The following CFL2 variants were observed in gnomAD, a reference collection of about 807,000 sequenced individuals.
CFL2 encodes cofilin-2.
A neutral mutation model predicts 19.6 loss-of-function variants in CFL2; 10 were observed. That is an observed-to-expected ratio of 0.51 (90% CI 0.31 to 0.86). CFL2 has a LOEUF of 0.86. CFL2 is among the 40% of genes least tolerant of loss of function. CFL2 has a pLI of 0.04. For synonymous variants in CFL2, 63 were observed against 66.7 expected, an observed-to-expected ratio of 0.95 and a Z score of 0.27; for missense variants, 125 against 192.1, an observed-to-expected ratio of 0.65 and a Z score of 2.06.
At position 34,711,007 on chromosome 14, in the gene CFL2, A is replaced by C. The variant is rs1246770265; in HGVS notation, c.*1858T>G. On this transcript the variant is annotated 3_prime_UTR_variant, in exon 4 of 4. Coordinates refer to ENST00000298159, the MANE Select transcript of CFL2 (RefSeq NM_138638.5). The stretch of plus-strand genomic sequence containing the variant: ...AATGTCCAGGATAACTCACAGGGAC[A>C]GCTGGAAGCCTGAAATAAAATTGCT... 1 of 454,046 alleles carries C rather than the reference A, an allele frequency of 2.2e-6. No individual in the cohort carries two copies. Among genetic ancestry groups the C allele is most frequent in the African/African-American group, 2.0e-5 (1 of 50,024 alleles). 28.1% of individuals were successfully genotyped at this position (454,046 alleles called of 1,614,324 possible).
Position 34,714,547 on chromosome 14 carries a change from C to G in CFL2, c.-7G>C. 6.3e-7 allele frequency: 1 copy of G among 1,589,106 alleles called. No individual in the cohort carries two copies. Among genetic ancestry groups the G allele is most frequent in the Non-Finnish European group, 8.5e-7 (1 of 1,171,144 alleles). On this transcript the variant is annotated 5_prime_UTR_variant, in exon 1 of 4. Coordinates refer to ENST00000298159, the MANE Select transcript of CFL2 (RefSeq NM_138638.5). ...AGCGCGCTCGTCTTACCATAGTGCC[C>G]TCGGCTGTGGCTGCGGCGGCAGCTC...
rs71453649 is a variant in CFL2 at position 34,709,787 on chromosome 14, C to CAAAAAAAAAAAAAAAAAA, written c.*3060_*3077dup. 2.9e-5 allele frequency: 2 copies of CAAAAAAAAAAAAAAAAAA among 69,506 alleles called. 1 individual carries two copies. The highest frequency in any genetic ancestry group is 5.1e-5 in the Non-Finnish European group (2 of 39,362). 4.3% of individuals were successfully genotyped at this position (69,506 alleles called of 1,614,324 possible). ...TGGGCAACAGAGTGAGACCCTGTCTCAAAAAAAAAAAAAAAAAAAGGCAAC... is the reference window on the plus strand; with the variant it reads ...TGGGCAACAGAGTGAGACCCTGTCTCAAAAAAAAAAAAAAAAAAAAAAAAAAAAAAAAAAAAAGGCAAC... On this transcript the variant is annotated 3_prime_UTR_variant, in exon 4 of 4. Coordinates refer to ENST00000298159, the MANE Select transcript of CFL2 (RefSeq NM_138638.5).
chr14:34,712,761 G>T lies in CFL2; in HGVS notation c.*104C>A. Reference sequence around the variant, plus strand: ...TTCATTGTGTTGGAAGGGCCCAGTGGAAAGGGGGAAATACAACAAAAAACC... The same window carrying T: ...TTCATTGTGTTGGAAGGGCCCAGTGTAAAGGGGGAAATACAACAAAAAACC... On this transcript the variant is annotated 3_prime_UTR_variant, in exon 4 of 4. Transcript: ENST00000298159. 1.3e-6 allele frequency: 1 copy of T among 756,846 alleles called. No homozygotes were observed. The highest frequency in any genetic ancestry group is 2.4e-6 in the Non-Finnish European group (1 of 408,596). The allele number at this position is 756,846 out of a possible 1,614,324, so 46.9% of individuals were successfully genotyped here. A position where few individuals can be genotyped will look rare whatever the true frequency, so the allele number is the denominator to read the frequency against.
chr14:34,714,067 G>C, intron 1 of CFL2: 3 of 400,184 alleles, frequency 7.5e-6, no homozygotes, highest in Non-Finnish European at 9.1e-6. Context: ...AAAACTAACT[G>C]ATCGAGTGTA....
intron 1 of CFL2, 163 bp downstream of exon 1, chr14:34,714,375 C>A (rs997172370): frequency 8.3e-7 from 1 of 1,210,538 alleles, no homozygotes; most frequent in Non-Finnish European, 1.1e-6. Context: ...CAGGGCCTGA[C>A]GGCCGGAGGG....
Position 34,710,731 on chromosome 14 carries a change from A to G in CFL2, c.*2134T>C, listed in dbSNP as rs928944493. The G allele has an allele frequency of 1.1e-5, 5 of 451,866 alleles. No individual in the cohort carries two copies. Among genetic ancestry groups the G allele is most frequent in the Admixed American group, 7.1e-5 (3 of 42,264 alleles). 28.0% of individuals were successfully genotyped at this position (451,866 alleles called of 1,614,324 possible). On this transcript the variant is annotated 3_prime_UTR_variant, in exon 4 of 4. Transcript: ENST00000298159. ...AGTATCAGTTTTGTCAATCTAGCAAATCAAAGTATCACAGTTTAAAGCAAT... is the reference window on the plus strand; with the variant it reads ...AGTATCAGTTTTGTCAATCTAGCAAGTCAAAGTATCACAGTTTAAAGCAAT...
At position 34,710,659 on chromosome 14, in the gene CFL2, T is replaced by G; in HGVS notation, c.*2206A>C. On this transcript the variant is annotated 3_prime_UTR_variant, in exon 4 of 4. Transcript: ENST00000298159. Reference sequence around the variant, plus strand: ...CTATTATTAATTTTATCTCTTTTTTTGGCTCTACGCACAAAGATGTATTTC... The same window carrying G: ...CTATTATTAATTTTATCTCTTTTTTGGGCTCTACGCACAAAGATGTATTTC... The G allele has an allele frequency of 4.5e-6, 2 of 442,718 alleles. No homozygotes were observed. Among genetic ancestry groups the G allele is most frequent in the Non-Finnish European group, 9.0e-6 (2 of 223,436 alleles). The allele number at this position is 442,718 out of a possible 1,614,324, so 27.4% of individuals were successfully genotyped here.
chr14:34,711,487 C>T lies in CFL2; in HGVS notation c.*1378G>A, dbSNP rs1489393453. 2 of 454,526 alleles carry T rather than the reference C, an allele frequency of 4.4e-6. No homozygotes were observed. Among genetic ancestry groups the T allele is most frequent in the South Asian group, 3.1e-5 (2 of 64,470 alleles). The allele number at this position is 454,526 out of a possible 1,614,324, so 28.2% of individuals were successfully genotyped here. ...AAGACTGCTATTATCAATTCCTATT[C>T]CAATTCAATTTGCAAAATATATTCA... is the stretch of plus-strand genomic sequence containing the variant. On this transcript the variant is annotated 3_prime_UTR_variant, in exon 4 of 4. Transcript: ENST00000298159.
intron 1 of CFL2, 107 bp downstream of exon 1, chr14:34,714,431 C>T: frequency 6.9e-7 from 1 of 1,453,980 alleles, no homozygotes; most frequent in South Asian, 1.4e-5. Context: ...GCAGAAGCGC[C>T]CACCTTGGAG....
In CFL2 at chr14:34,710,916, T is replaced by C. The variant is rs1245602249; in HGVS notation, c.*1949A>G. 2 of 453,986 alleles carry C rather than the reference T, an allele frequency of 4.4e-6. No individual in the cohort carries two copies. Among genetic ancestry groups the C allele is most frequent in the East Asian group, 1.4e-4 (2 of 14,408 alleles). The allele number at this position is 453,986 out of a possible 1,614,324, so 28.1% of individuals were successfully genotyped here. On this transcript the variant is annotated 3_prime_UTR_variant, in exon 4 of 4. Transcript: ENST00000298159. ...TGGTGCCAAGTATCAGTTACACATA[T>C]GGTTAAGTATACGTCAGTATTCTCT...
Position 34,713,466 on chromosome 14 carries a change from C to T in CFL2, c.99G>A (p.Lys33=), listed in dbSNP as rs1885387710. The change falls in exon 2 of 4, where the codon AAG becomes AAA. Residue 33 remains lysine, a synonymous_variant. Transcript: ENST00000298159. ...SSTQEEIKKR[K]KAVLFCLSDD... is the part of the protein sequence containing the mutation. Reference sequence around the variant, plus strand: ...CGCTTAAACAGAAGAGAACTGCTTTCTTTCTCTTTTTGATCTCCTCTTGTG... The same window carrying T: ...CGCTTAAACAGAAGAGAACTGCTTTTTTTCTCTTTTTGATCTCCTCTTGTG... 1.9e-6 allele frequency: 3 copies of T among 1,613,690 alleles called. No homozygotes were observed. The highest frequency in any genetic ancestry group is 2.5e-6 in the Non-Finnish European group (3 of 1,179,628).
chr14:34,712,719 A>G lies in CFL2; in HGVS notation c.*146T>C, dbSNP rs1437418182. On this transcript the variant is annotated 3_prime_UTR_variant, in exon 4 of 4. Transcript: ENST00000298159. ...GCAATCACTGATAGGCTGCTTAAAT[A>G]AATGATATTTCCTTCATTCATTGTG... 3 of 710,152 alleles carry G rather than the reference A, an allele frequency of 4.2e-6. No homozygotes were observed. Among genetic ancestry groups the G allele is most frequent in the South Asian group, 1.5e-5 (1 of 67,400 alleles). The allele number at this position is 710,152 out of a possible 1,614,324, so 44.0% of individuals were successfully genotyped here.
In CFL2 at chr14:34,713,091, G is replaced by A. The variant is rs1250346386; in HGVS notation, c.357C>T (p.Ser119=). ...APLKSKMIYA[S]SKDAIKKKFT... is the part of the protein sequence containing the mutation. ...ATTTCTTTTTAATGGCATCTTTAGA[G>A]CTAGCATAAATCATCTTGCTTTTTA... Residue 119 remains serine, a synonymous_variant, in exon 3 of 4, where the codon AGC becomes AGT. Coordinates refer to ENST00000298159, the MANE Select transcript of CFL2 (RefSeq NM_138638.5). 6.3e-7 allele frequency: 1 copy of A among 1,585,482 alleles called. No individual in the cohort carries two copies. Among genetic ancestry groups the A allele is most frequent in the South Asian group, 1.1e-5 (1 of 87,800 alleles).
rs1180243908 is a variant in CFL2, at chr14:34,712,105, C to G, written c.*760G>C. The G allele has an allele frequency of 2.2e-6, 1 of 454,476 alleles. No homozygotes were observed. The highest frequency in any genetic ancestry group is 1.6e-5 in the South Asian group (1 of 64,468). 28.2% of individuals were successfully genotyped at this position (454,476 alleles called of 1,614,324 possible). A position where few individuals can be genotyped will look rare whatever the true frequency, so the allele number is the denominator to read the frequency against. Reference sequence around the variant, plus strand: ...ATGTTCCATTTAAGGCTCTTTTATACAGAAATTGCCATCATGACTGATATT... The same window carrying G: ...ATGTTCCATTTAAGGCTCTTTTATAGAGAAATTGCCATCATGACTGATATT... On this transcript the variant is annotated 3_prime_UTR_variant, in exon 4 of 4. Coordinates refer to ENST00000298159, the MANE Select transcript of CFL2 (RefSeq NM_138638.5).
Position 34,709,748 on chromosome 14 carries a change from A to T in CFL2, c.*3117T>A, listed in dbSNP as rs1384569746. 7.0e-6 allele frequency: 1 copy of T among 142,922 alleles called. No homozygotes were observed. Among genetic ancestry groups the T allele is most frequent in the African/African-American group, 2.6e-5 (1 of 38,074 alleles). 8.9% of individuals were successfully genotyped at this position (142,922 alleles called of 1,614,324 possible). ...GTTTGAAGTGAGCTGAAATTTTGAC[A>T]CTGCACTCCAGCCTGGGCAACAGAG... On this transcript the variant is annotated 3_prime_UTR_variant, in exon 4 of 4. Transcript: ENST00000298159.
rs1271229246 is a variant in CFL2, at chr14:34,713,393, C to G, written c.172G>C (p.Gly58Arg). ...TCCTCTACAGTATCACCAATGTCAC[C>G]CACCAAGATCTGCTTTGCTTCCTCT... Reference protein sequence around the residue: ...IVEEAKQILVGDIGDTVEDPY... With the variant: ...IVEEAKQILVRDIGDTVEDPY... Residue 58 changes from glycine to arginine, a missense_variant, in exon 2 of 4, where the codon GGT becomes CGT. Coordinates refer to ENST00000298159, the MANE Select transcript of CFL2 (RefSeq NM_138638.5). 6.2e-7 allele frequency: 1 copy of G among 1,613,956 alleles called. No individual in the cohort carries two copies. Among genetic ancestry groups the G allele is most frequent in the Non-Finnish European group, 8.5e-7 (1 of 1,179,950 alleles).
chr14:34,711,683 T>C lies in CFL2; in HGVS notation c.*1182A>G. ...GAATAAAAAAATAACTATGCTAATT[T>C]ATCCAGAGAACAAATCAGATATTGA... On this transcript the variant is annotated 3_prime_UTR_variant, in exon 4 of 4. Coordinates refer to ENST00000298159, the MANE Select transcript of CFL2 (RefSeq NM_138638.5). 2.2e-6 allele frequency: 1 copy of C among 446,476 alleles called. No individual in the cohort carries two copies. Among genetic ancestry groups the C allele is most frequent in the South Asian group, 1.6e-5 (1 of 61,822 alleles). 27.7% of individuals were successfully genotyped at this position (446,476 alleles called of 1,614,324 possible). A position where few individuals can be genotyped will look rare whatever the true frequency, so the allele number is the denominator to read the frequency against.
At chr14:34,714,493 T>G in intron 1 of CFL2, 45 bp downstream of exon 1, 1 of 1,550,290 alleles carries the variant, frequency 6.5e-7, no homozygotes, top group Non-Finnish European at 8.7e-7. Flanking sequence ...TGCGGGGGGC[T>G]TTTCTCGCCT....
Position 34,711,840 on chromosome 14 carries a change from A to T in CFL2, c.*1025T>A. On this transcript the variant is annotated 3_prime_UTR_variant, in exon 4 of 4. Transcript: ENST00000298159. ...TTTATATTAGTTGGCCTTAAGATAGAATACTTTTTAAACCAAATAGATCCA... is the reference window on the plus strand; with the variant it reads ...TTTATATTAGTTGGCCTTAAGATAGTATACTTTTTAAACCAAATAGATCCA... 1 of 454,048 alleles carries T rather than the reference A, an allele frequency of 2.2e-6. No homozygotes were observed. The highest frequency in any genetic ancestry group is 1.6e-5 in the South Asian group (1 of 64,216). 28.1% of individuals were successfully genotyped at this position (454,048 alleles called of 1,614,324 possible). A position where few individuals can be genotyped will look rare whatever the true frequency, so the allele number is the denominator to read the frequency against.
Sources: allele counts gnomAD v4.1 joint callset, GRCh38; gene constraint gnomAD v4.1.1; transcripts MANE v1.5; gene names NCBI Gene and HGNC (gene_info 2026-07-23, HGNC 2026-07-21).